RGS7: variants seen among roughly 807,000 people sequenced by gnomAD.
RGS7 encodes the protein regulator of G-protein signaling 7.
Under a neutral mutation model 81.1 loss-of-function variants are expected in RGS7, and 27 were observed. The ratio of observed to expected loss-of-function variants is 0.33; its 90% CI spans 0.25 to 0.46. The LOEUF (loss-of-function observed/expected upper bound fraction) is 0.46. Ranked by LOEUF, RGS7 falls within the 20% of genes least tolerant of loss-of-function variation. The probability of loss-of-function intolerance (pLI) is 1.00; values close to 1 mark genes in which losing one functional copy is unlikely to be tolerated. For missense variants in RGS7, 396 were observed against 607.4 expected (o/e 0.65, Z 3.66); for synonymous variants, 208 against 207.7 (o/e 1.00, Z -0.01).
At chr1:240,933,210 G>A (rs1676000856) in intron 5 of RGS7, among the ~76,000 whole-genome samples, 1 of 151,692 alleles carries the variant, frequency 6.6e-6, no homozygotes, top group Non-Finnish European at 1.5e-5. Context: ...GCTTCTTACG[G>A]AGTGCATTGT....
intron 2 of RGS7, among the ~76,000 whole-genome samples, chr1:241,333,803 A>G (rs67514226): frequency 0.033 from 4,952 of 152,162 alleles, 112 homozygotes; most frequent in Non-Finnish European, 0.05. Context: ...TTTTAGCTTT[A>G]GATATCTTCT....
intron 2 of RGS7, among the ~76,000 whole-genome samples, chr1:241,215,487 T>C (rs2074490322): frequency 6.6e-6 from 1 of 152,018 alleles, no homozygotes; most frequent in African/African-American, 2.4e-5. Context: ...AGGTCAGGAG[T>C]CAACCAAGGA....
intron 2 of RGS7, among the ~76,000 whole-genome samples, chr1:241,242,996 T>C (rs1199034490): frequency 6.6e-6 from 1 of 152,052 alleles, no homozygotes; most frequent in African/African-American, 2.4e-5. Context: ...AAGTCCCATC[T>C]ATTTATCTCT....
chr1:241,097,788 T>C (rs2102879382), intron 3 of RGS7, among the ~76,000 whole-genome samples: 1 of 152,316 alleles, frequency 6.6e-6, no homozygotes, highest in East Asian at 1.9e-4. Context: ...GTCTTGGGTT[T>C]CTCCAGTCAT....
rs77736111 is a variant in RGS7 at position 241,272,897 on chromosome 1, T to C, written c.78+82802A>G. Among the ~76,000 whole-genome samples the C allele has an allele frequency of 4.5e-3, 680 of 152,338 alleles. 3 individuals are homozygous for C. Among genetic ancestry groups the C allele is most frequent in the African/African-American group, 0.015 (629 of 41,578 alleles). ...GTACTTTTTTTTCCAGCACAGCTGT[T>C]TGATTCTCTATCATTTCTATCTCTC... On this transcript the variant is annotated intron_variant, in intron 2 of 18. Transcript: ENST00000440928.
At chr1:241,032,544 T>C (rs142785332) in intron 3 of RGS7, among the ~76,000 whole-genome samples, 1,701 of 152,304 alleles carry the variant, frequency 0.011, 15 homozygotes, top group Non-Finnish European at 0.018. Context: ...AGGAATTGCA[T>C]TGAATCTGTA....
chr1:240,985,167 T>C (rs1685468253), intron 3 of RGS7, among the ~76,000 whole-genome samples: 1 of 152,206 alleles, frequency 6.6e-6, no homozygotes, highest in Non-Finnish European at 1.5e-5. Flanking sequence ...AACTCAGCTT[T>C]TCACATATAC....
At chr1:241,350,652 A>T (rs185740162) in intron 2 of RGS7, among the ~76,000 whole-genome samples, 1 of 147,436 alleles carries the variant, frequency 6.8e-6, no homozygotes, top group East Asian at 2.0e-4. Context: ...GCATACCTAT[A>T]CTCCCAGCTA....
chr1:241,217,705 G>A (rs542558623), intron 2 of RGS7, among the ~76,000 whole-genome samples: 41 of 152,286 alleles, frequency 2.7e-4, no homozygotes, highest in Admixed American at 9.8e-4. Flanking sequence ...CCAATCACAC[G>A]GTTGGCACCA....
intron 3 of RGS7, among the ~76,000 whole-genome samples, chr1:240,993,801 C>T (rs1686877714): frequency 6.6e-6 from 1 of 152,070 alleles, no homozygotes; most frequent in Non-Finnish European, 1.5e-5. Flanking sequence ...ATTTCTCCTA[C>T]TATTTTCCTA....
At chr1:241,165,379 C>T (rs559746315) in intron 2 of RGS7, among the ~76,000 whole-genome samples, 1 of 152,026 alleles carries the variant, frequency 6.6e-6, no homozygotes, top group South Asian at 2.1e-4. Context: ...TTGGAACCAA[C>T]CCAAATGTCC....
chr1:240,817,447 C>A (rs920015783), intron 10 of RGS7, among the ~76,000 whole-genome samples: 4 of 152,112 alleles, frequency 2.6e-5, no homozygotes, highest in Non-Finnish European at 4.4e-5. Flanking sequence ...ACCAAGCTTG[C>A]CAATATCTCT....
At chr1:241,065,029 T>C (rs2148847120) in intron 3 of RGS7, among the ~76,000 whole-genome samples, 1 of 152,226 alleles carries the variant, frequency 6.6e-6, no homozygotes, top group South Asian at 2.1e-4. Flanking sequence ...GTATTTTAAA[T>C]GTGGCCTCAC....
chr1:240,946,250 CT>C (rs1678589438), intron 4 of RGS7, among the ~76,000 whole-genome samples: 1 of 152,026 alleles, frequency 6.6e-6, no homozygotes, highest in African/African-American at 2.4e-5. Flanking sequence ...CACCATTCTG[CT>C]TGCTAATTTC....
chr1:241,066,508 T>C (rs1010718290), intron 3 of RGS7, among the ~76,000 whole-genome samples: 2 of 152,334 alleles, frequency 1.3e-5, no homozygotes, highest in Admixed American at 1.3e-4. Context: ...CCATTAAAAA[T>C]AAAACAACAT....
intron 2 of RGS7, among the ~76,000 whole-genome samples, chr1:241,135,175 C>T (rs2067413582): frequency 1.3e-5 from 2 of 152,104 alleles, no homozygotes; most frequent in South Asian, 4.1e-4. Context: ...GCCTGTAATC[C>T]CAGCACTTTG....
intron 3 of RGS7, among the ~76,000 whole-genome samples, chr1:241,046,310 C>CCT (rs34415623): frequency 0.63 from 94,331 of 149,526 alleles, 30,833 homozygotes; most frequent in East Asian, 0.94. Context: ...TGACCCCCCC[C>CCT]CCCTTTTCTA....
At chr1:241,112,836 T>C (rs976045332) in intron 2 of RGS7, among the ~76,000 whole-genome samples, 1 of 152,202 alleles carries the variant, frequency 6.6e-6, no homozygotes, top group African/African-American at 2.4e-5. Flanking sequence ...TTCAGAAGTA[T>C]TTGAACAGTG....
intron 2 of RGS7, among the ~76,000 whole-genome samples, chr1:241,099,997 CTTTTCT>C (rs146578383): frequency 0.067 from 10,256 of 152,164 alleles, 414 homozygotes; most frequent in Admixed American, 0.092. Flanking sequence ...ATTCTGTTAT[CTTTTCT>C]TTTTATCTAT....
Sources: gnomAD v4.1 joint callset for allele counts (sites outside exome capture counted in the v4.1 genomes callset) on GRCh38, gnomAD v4.1.1 for gene constraint, MANE v1.5 for transcripts, NCBI Gene and HGNC (gene_info 2026-07-23, HGNC 2026-07-21) for gene names.